Variants in NR2C2 observed in about 807,000 individuals in gnomAD.
NR2C2 encodes Nuclear hormone receptor TR4.
Under a neutral mutation model 62.9 loss-of-function variants are expected in NR2C2, and 6 were observed. The observed-to-expected ratio is 0.10, with a 90% CI of 0.05 to 0.19. NR2C2 has a LOEUF of 0.19. NR2C2 is among the 10% of genes least tolerant of loss of function. The probability of loss-of-function intolerance (pLI) is 1.00; values close to 1 mark genes in which losing one functional copy is unlikely to be tolerated. For missense variants in NR2C2, 479 were observed against 762.7 expected (o/e 0.63, Z 4.38); for synonymous variants, 272 against 273.8 (o/e 0.99, Z 0.07).
At chr3:14,964,699 A>G (rs1240772184) in intron 1 of NR2C2, among the ~76,000 whole-genome samples, 2 of 135,880 alleles carry the variant, frequency 1.5e-5, no homozygotes, top group African/African-American at 5.6e-5. Flanking sequence ...TTTTTTTTGT[A>G]TTTTTAGTAG....
At position 14,964,447 on chromosome 3, in the gene NR2C2, G is replaced by A. The variant is rs556469785; in HGVS notation, c.-40+16541G>A. 1.8e-4 allele frequency among the ~76,000 whole-genome samples: 28 copies of A among 152,156 alleles called. No individual in the cohort carries two copies. In the South Asian group the frequency reaches 4.0e-3, roughly 21 times the overall value. On this transcript the variant is annotated intron_variant, in intron 1 of 13. Transcript: ENST00000425241. ...GGCCCACTGAGTGCTTTCTTACTGC[G>A]TAGTTTATTGTCATGCATTTGGTAT...
chr3:15,035,960 G>A (rs954965145), intron 11 of NR2C2, among the ~76,000 whole-genome samples: 3 of 151,970 alleles, frequency 2.0e-5, no homozygotes, highest in Admixed American at 6.5e-5. Flanking sequence ...CCTGGGAGGC[G>A]GAGGTTGCAG....
In NR2C2 at chr3:15,039,110, T is replaced by A; in HGVS notation, c.1511-12T>A. 2 of 1,606,960 alleles carry A rather than the reference T, an allele frequency of 1.2e-6. No homozygotes were observed. The highest frequency in any genetic ancestry group is 1.7e-6 in the Non-Finnish European group (2 of 1,173,982). On this transcript the variant is annotated splice_polypyrimidine_tract_variant and intron_variant, in intron 12 of 13. Transcript: ENST00000425241. ...CAGAGGGAACTGGGGGGGGGTACTT[T>A]TCTGTTTTCAGATCATCCAGGTTTG...
At chr3:14,956,415 G>A (rs184610614) in intron 1 of NR2C2, among the ~76,000 whole-genome samples, 1 of 152,184 alleles carries the variant, frequency 6.6e-6, no homozygotes, top group Non-Finnish European at 1.5e-5. Flanking sequence ...TTTGCAAGTA[G>A]TTATTAGGTA....
At chr3:15,024,256 C>A in intron 7 of NR2C2, 48 bp downstream of exon 7, 1 of 1,310,530 alleles carries the variant, frequency 7.6e-7, no homozygotes, top group Non-Finnish European at 1.1e-6. Context: ...GTTGACATTG[C>A]AGGCTGCTTC....
At chr3:14,963,756 T>C (rs990829100) in intron 1 of NR2C2, among the ~76,000 whole-genome samples, 3 of 152,144 alleles carry the variant, frequency 2.0e-5, no homozygotes, top group Middle Eastern at 3.2e-3. Context: ...ATAATGCTCA[T>C]ATATCTAGGG....
Position 14,979,625 on chromosome 3 carries a change from GTGTC to G in NR2C2, c.-39-24248_-39-24245del, listed in dbSNP as rs1215631989. 2.0e-5 allele frequency among the ~76,000 whole-genome samples: 3 copies of G among 152,154 alleles called. No individual in the cohort carries two copies. In the East Asian group the frequency reaches 5.8e-4, roughly 29 times the overall value. ...TGAAGTGAGAGAATTATTTGCGTGA[GTGTC>G]TGGGGGTTGGGGGTTACAGAGGTGG... On this transcript the variant is annotated intron_variant, in intron 1 of 13. Coordinates refer to ENST00000425241, the MANE Select transcript of NR2C2 (RefSeq NM_001291694.2).
At chr3:14,985,046 TC>T (rs2040477377) in intron 1 of NR2C2, among the ~76,000 whole-genome samples, 1 of 152,170 alleles carries the variant, frequency 6.6e-6, no homozygotes, top group African/African-American at 2.4e-5. Flanking sequence ...ATGTTGAACA[TC>T]TTTTCATGTG....
chr3:15,030,308 C>T lies in NR2C2; in HGVS notation c.966C>T (p.Thr322=), dbSNP rs772883194. ...AFDTLAKALN[T]TDSSSSPSLA... is the part of the protein sequence containing the mutation. ...ATACCTTAGCTAAAGCACTTAATAC[C>T]ACAGACAGCTCCTCTTCTCCAAGCT... is the stretch of plus-strand genomic sequence containing the variant. Residue 322 remains threonine (T), a synonymous_variant, in exon 9 of 14, where the codon ACC becomes ACT. Transcript: ENST00000425241. The T allele has an allele frequency of 6.2e-7, 1 of 1,611,912 alleles. No individual in the cohort carries two copies. The highest frequency in any genetic ancestry group is 1.3e-5 in the African/African-American group (1 of 74,902).
chr3:15,033,639 CTTTT>C (rs58524753), intron 10 of NR2C2, among the ~76,000 whole-genome samples: 3 of 84,828 alleles, frequency 3.5e-5, no homozygotes, highest in African/African-American at 1.3e-4. Flanking sequence ...TAACCTCAGG[CTTTT>C]TTTTTTTTTT....
chr3:14,969,506 G>T (rs2039974475), intron 1 of NR2C2, among the ~76,000 whole-genome samples: 1 of 152,138 alleles, frequency 6.6e-6, no homozygotes, highest in Non-Finnish European at 1.5e-5. Flanking sequence ...CTCCCAAAGT[G>T]CTGGGATTAC....
intron 2 of NR2C2, among the ~76,000 whole-genome samples, chr3:15,006,794 T>TA (rs1336902747): frequency 2.0e-5 from 3 of 151,112 alleles, no homozygotes; most frequent in African/African-American, 7.3e-5. Context: ...TTTTTTTTTT[T>TA]AAAGGCATTT....
intron 10 of NR2C2, among the ~76,000 whole-genome samples, chr3:15,034,046 G>A (rs949980768): frequency 3.3e-5 from 5 of 152,334 alleles, no homozygotes; most frequent in African/African-American, 1.2e-4. Context: ...CCGGCCTCCT[G>A]AAATCTTGAG....
intron 4 of NR2C2, among the ~76,000 whole-genome samples, chr3:15,018,985 A>G (rs939521219): frequency 6.8e-6 from 1 of 146,472 alleles, no homozygotes; most frequent in Non-Finnish European, 1.5e-5. Context: ...ACTGCACTCC[A>G]GCCTGGGTGA....
intron 2 of NR2C2, among the ~76,000 whole-genome samples, chr3:15,004,839 T>C (rs568382615): frequency 6.6e-6 from 1 of 152,222 alleles, no homozygotes; most frequent in African/African-American, 2.4e-5. Flanking sequence ...AATTAACCCT[T>C]TCTTGATCTT....
chr3:14,951,498 T>G (rs145388570), intron 1 of NR2C2, among the ~76,000 whole-genome samples: 2 of 151,324 alleles, frequency 1.3e-5, no homozygotes, highest in Non-Finnish European at 1.5e-5. Flanking sequence ...TATTTTTGGG[T>G]TTTTTTTTCT....
intron 1 of NR2C2, among the ~76,000 whole-genome samples, chr3:14,964,604 TC>T (rs2039787166): frequency 6.6e-6 from 1 of 152,084 alleles, no homozygotes; most frequent in South Asian, 2.1e-4. Context: ...AAGCTCTGCT[TC>T]CCAGGTTCAC....
intron 1 of NR2C2, among the ~76,000 whole-genome samples, chr3:14,977,803 A>G (rs939971383): frequency 2.0e-5 from 3 of 152,006 alleles, no homozygotes. Flanking sequence ...CGTCTCTACT[A>G]AAATACAAAA....
intron 1 of NR2C2, among the ~76,000 whole-genome samples, chr3:14,983,407 C>T (rs1015081173): frequency 1.3e-5 from 2 of 151,252 alleles, no homozygotes; most frequent in African/African-American, 4.9e-5. Flanking sequence ...TTAAACCCAT[C>T]TTGTATTCTG....
Sources: gnomAD v4.1 joint callset for allele counts (sites outside exome capture counted in the v4.1 genomes callset) on GRCh38, gnomAD v4.1.1 for gene constraint, MANE v1.5 for transcripts, NCBI Gene and HGNC (gene_info 2026-07-23, HGNC 2026-07-21) for gene names.